The following SLC25A34 variants were observed in gnomAD, a reference collection of about 807,000 sequenced individuals.
The protein encoded by SLC25A34 is solute carrier family 25, member 34.
In SLC25A34, 26 loss-of-function variants were observed where a neutral mutation model predicts 28.1. The observed-to-expected ratio is 0.93, with a 90% CI of 0.68 to 1.28. The LOEUF is 1.28. SLC25A34 is among the 50% of genes most tolerant of loss of function. SLC25A34 has a pLI of 0.00. For missense variants in SLC25A34, 384 were observed against 409.8 expected, an observed-to-expected ratio of 0.94 and a Z score of 0.54; for synonymous variants, 182 against 182.2, an observed-to-expected ratio of 1.00 and a Z score of 0.01.
rs11576817 is a variant in SLC25A34 at position 15,737,352 on chromosome 1, T to C, written c.378+489T>C. Among the ~76,000 whole-genome samples the C allele has an allele frequency of 6.3e-3, 966 of 152,316 alleles. 6 individuals carry two copies. Among genetic ancestry groups the C allele is most frequent in the Non-Finnish European group, 9.0e-3 (614 of 68,030 alleles). ...GGGAGGCCGAGGCGGGCAGATCACC[T>C]GAGGTCAGGAGTTTGAGACCAGCAT... On this transcript the variant is annotated intron_variant, in intron 1 of 4. Transcript: ENST00000294454.
chr1:15,738,802 ACTCT>A (rs1168003036), intron 4 of SLC25A34, 74 bp downstream of exon 4: 88 of 1,242,934 alleles, frequency 7.1e-5, no homozygotes, highest in East Asian at 4.8e-4. Flanking sequence ...ACACACACAC[ACTCT>A]CACACACTCA....
rs752166521 is a variant in SLC25A34 at position 15,739,436 on chromosome 1, C to T, written c.*30C>T. The T allele has an allele frequency of 4.0e-5, 59 of 1,487,524 alleles. No homozygotes were observed. Among genetic ancestry groups the T allele is most frequent in the African/African-American group, 1.1e-4 (8 of 70,058 alleles). The allele number at this position is 1,487,524 out of a possible 1,614,324, so 92.1% of individuals were successfully genotyped here. A position where few individuals can be genotyped will look rare whatever the true frequency, so the allele number is the denominator to read the frequency against. Reference sequence around the variant, plus strand: ...CGGCCCTCACCCCCACGTCCTGACACGGCCGGCACTTGGCCGGAAGTGAGA... The same window carrying T: ...CGGCCCTCACCCCCACGTCCTGACATGGCCGGCACTTGGCCGGAAGTGAGA... On this transcript the variant is annotated 3_prime_UTR_variant, in exon 5 of 5. Transcript: ENST00000294454.
Position 15,739,443 on chromosome 1 carries a change from C to T in SLC25A34, c.*37C>T. 6.7e-7 allele frequency: 1 copy of T among 1,486,382 alleles called. No homozygotes were observed. The highest frequency in any genetic ancestry group is 2.4e-5 in the East Asian group (1 of 40,858). The allele number at this position is 1,486,382 out of a possible 1,614,324, so 92.1% of individuals were successfully genotyped here. A position where few individuals can be genotyped will look rare whatever the true frequency, so the allele number is the denominator to read the frequency against. ...CACCCCCACGTCCTGACACGGCCGG[C>T]ACTTGGCCGGAAGTGAGAGCCTGCT... On this transcript the variant is annotated 3_prime_UTR_variant, in exon 5 of 5. Transcript: ENST00000294454.
chr1:15,737,888 C>T, intron 1 of SLC25A34, 41 bp from the exon 2 acceptor site: 1 of 1,612,246 alleles, frequency 6.2e-7, no homozygotes, highest in Non-Finnish European at 8.5e-7. Context: ...CTGGCTCTCC[C>T]AGGCTCCATC....
In SLC25A34 at chr1:15,736,351, C is replaced by T; in HGVS notation, c.-135C>T. On this transcript the variant is annotated 5_prime_UTR_variant, in exon 1 of 5. Coordinates refer to ENST00000294454, the MANE Select transcript of SLC25A34 (RefSeq NM_207348.3). ...GGCCTGTCAGACCAGGACCCTTACC[C>T]TCTAGACATGGCCTCGGTCCCCTGC... is the stretch of plus-strand genomic sequence containing the variant. 3.1e-6 allele frequency: 3 copies of T among 980,968 alleles called. No homozygotes were observed. Among genetic ancestry groups the T allele is most frequent in the Non-Finnish European group, 4.1e-6 (3 of 738,784 alleles). The allele number at this position is 980,968 out of a possible 1,614,324, so 60.8% of individuals were successfully genotyped here.
Position 15,739,088 on chromosome 1 carries a change from A to G in SLC25A34, c.733-136A>G, listed in dbSNP as rs547648515. ...CCCCACAGCCTTCCCATGGCGCCGC[A>G]GCCTCACAGGTGTGTCCAATACAAA... On this transcript the variant is annotated intron_variant, in intron 4 of 4. Transcript: ENST00000294454. The G allele has an allele frequency of 1.1e-5, 13 of 1,139,508 alleles. No homozygotes were observed. The East Asian group carries it at 2.7e-4, about 23-fold the overall frequency. The allele number at this position is 1,139,508 out of a possible 1,614,324, so 70.6% of individuals were successfully genotyped here. A position where few individuals can be genotyped will look rare whatever the true frequency, so the allele number is the denominator to read the frequency against.
At position 15,739,584 on chromosome 1, in the gene SLC25A34, T is replaced by G. The variant is rs921015072; in HGVS notation, c.*178T>G. 4.5e-5 allele frequency: 27 copies of G among 594,468 alleles called. No individual in the cohort carries two copies. The highest frequency in any genetic ancestry group is 8.0e-6 in the Non-Finnish European group (3 of 373,822). 36.8% of individuals were successfully genotyped at this position (594,468 alleles called of 1,614,324 possible). ...CCTTGGCCCACCCAGGTCCAGAGCATCCACTTCAAGTTACCACCCATTCTG... is the reference window on the plus strand; with the variant it reads ...CCTTGGCCCACCCAGGTCCAGAGCAGCCACTTCAAGTTACCACCCATTCTG... On this transcript the variant is annotated 3_prime_UTR_variant, in exon 5 of 5. Coordinates refer to ENST00000294454, the MANE Select transcript of SLC25A34 (RefSeq NM_207348.3).
intron 3 of SLC25A34, 29 bp downstream of exon 3, chr1:15,738,274 C>A: frequency 6.4e-7 from 1 of 1,565,278 alleles, no homozygotes. Context: ...CTGTGCCTAT[C>A]CACAGAGACA....
At chr1:15,736,977 G>A (rs888882547) in intron 1 of SLC25A34, 114 bp downstream of exon 1, 65 of 1,336,468 alleles carry the variant, frequency 4.9e-5, no homozygotes, top group African/African-American at 6.0e-5. Context: ...TGGGGCAGCC[G>A]GGGTGGGGCT....
chr1:15,737,850 A>C (rs990160584), intron 1 of SLC25A34, 79 bp from the exon 2 acceptor site: 22 of 1,492,494 alleles, frequency 1.5e-5, no homozygotes, highest in Non-Finnish European at 1.9e-5. Flanking sequence ...GCACGGGGGC[A>C]GGGCGCCCTC....
chr1:15,736,894 C>T, intron 1 of SLC25A34, 31 bp downstream of exon 1: 15 of 1,488,260 alleles, frequency 1.0e-5, no homozygotes, highest in Non-Finnish European at 1.3e-5. Flanking sequence ...GTCCACCCTC[C>T]ACCATCCCAT....
Position 15,736,443 on chromosome 1 carries a change from C to G in SLC25A34, c.-43C>G. 1 of 1,410,904 alleles carries G rather than the reference C, an allele frequency of 7.1e-7. No homozygotes were observed. The highest frequency in any genetic ancestry group is 9.2e-7 in the Non-Finnish European group (1 of 1,085,790). 87.4% of individuals were successfully genotyped at this position (1,410,904 alleles called of 1,614,324 possible). ...AACGCCACCACCACAGGGCCTGTGC[C>G]GTGCCCCTGACCCGGGCACAGAAGG... On this transcript the variant is annotated 5_prime_UTR_variant, in exon 1 of 5. Transcript: ENST00000294454.
At chr1:15,738,476 C>T in intron 3 of SLC25A34, 118 bp from the exon 4 acceptor site, 1 of 1,419,088 alleles carries the variant, frequency 7.0e-7, no homozygotes, top group Non-Finnish European at 9.4e-7. Context: ...GCTGGAGGGG[C>T]CTCATCTGCT....
intron 4 of SLC25A34, chr1:15,738,989 C>T: frequency 1.6e-6 from 1 of 626,416 alleles, no homozygotes; most frequent in East Asian, 3.2e-5. Flanking sequence ...AGCTGAGGCT[C>T]AGACAGATCA....
In SLC25A34 at chr1:15,738,637, T is replaced by C; in HGVS notation, c.641T>C (p.Met214Thr). ...DSWLVALAGG[M>T]ISSIAVVVVM... ...TGGCTGGTGGCCCTGGCTGGGGGCA[T>C]GATCAGCAGCATAGCCGTGGTTGTC... The change falls in exon 4 of 5, where the codon ATG becomes ACG. Residue 214 changes from methionine (M) to threonine (T), a missense_variant. By Grantham distance (81) the Met-to-Thr change is moderately conservative. Coordinates refer to ENST00000294454, the MANE Select transcript of SLC25A34 (RefSeq NM_207348.3). 1 of 1,609,422 alleles carries C rather than the reference T, an allele frequency of 6.2e-7. No homozygotes were observed. Among genetic ancestry groups the C allele is most frequent in the Non-Finnish European group, 8.5e-7 (1 of 1,179,048 alleles).
chr1:15,738,802 ACT>A (rs1168003036), intron 4 of SLC25A34, 74 bp downstream of exon 4: 266 of 1,245,894 alleles, frequency 2.1e-4, no homozygotes, highest in African/African-American at 2.5e-4. Flanking sequence ...ACACACACAC[ACT>A]CTCACACACT....
rs140463513 is a variant in SLC25A34 at position 15,739,704 on chromosome 1, A to G, written c.*298A>G. On this transcript the variant is annotated 3_prime_UTR_variant, in exon 5 of 5. Coordinates refer to ENST00000294454, the MANE Select transcript of SLC25A34 (RefSeq NM_207348.3). ...TATAGCAACTGCTGCGGGCGTGCAC[A>G]TGGCATAGGCCCAGTAACTTACATA... 1,099 of 290,140 alleles carry G rather than the reference A, an allele frequency of 3.8e-3. 16 individuals carry two copies. The highest frequency in any genetic ancestry group is 0.022 in the African/African-American group (1,034 of 46,118). 18.0% of individuals were successfully genotyped at this position (290,140 alleles called of 1,614,324 possible). A position where few individuals can be genotyped will look rare whatever the true frequency, so the allele number is the denominator to read the frequency against.
In SLC25A34 at chr1:15,738,773, AC is replaced by A. The variant is rs59813493; in HGVS notation, c.732+52del. On this transcript the variant is annotated intron_variant, in intron 4 of 4. Transcript: ENST00000294454. ...GGGGAGACCGTGGGGAGCTGGGAGC[AC>A]CCCCCCAACACACACACACACACAC... 1.1e-3 allele frequency: 1,647 copies of A among 1,451,774 alleles called. 31 individuals carry two copies. The East Asian group carries it at 0.035, about 31-fold the overall frequency. The allele number at this position is 1,451,774 out of a possible 1,614,324, so 89.9% of individuals were successfully genotyped here. A position where few individuals can be genotyped will look rare whatever the true frequency, so the allele number is the denominator to read the frequency against.
At position 15,736,436 on chromosome 1, in the gene SLC25A34, C is replaced by T. The variant is rs1280664193; in HGVS notation, c.-50C>T. ...CAGCCTAAACGCCACCACCACAGGG[C>T]CTGTGCCGTGCCCCTGACCCGGGCA... On this transcript the variant is annotated 5_prime_UTR_variant, in exon 1 of 5. Coordinates refer to ENST00000294454, the MANE Select transcript of SLC25A34 (RefSeq NM_207348.3). 2.9e-6 allele frequency: 4 copies of T among 1,403,206 alleles called. No homozygotes were observed. The highest frequency in any genetic ancestry group is 3.3e-5 in the Admixed American group (1 of 30,442). 86.9% of individuals were successfully genotyped at this position (1,403,206 alleles called of 1,614,324 possible).
Sources: gnomAD v4.1 joint callset for allele counts (sites outside exome capture counted in the v4.1 genomes callset) on GRCh38, gnomAD v4.1.1 for gene constraint, MANE v1.5 for transcripts, NCBI Gene and HGNC (gene_info 2026-07-23, HGNC 2026-07-21) for gene names.